The following GPD1 variants were observed in gnomAD, a reference collection of about 807,000 sequenced individuals.
GPD1 encodes glycerol-3-phosphate dehydrogenase [NAD(+)], cytoplasmic.
GPD1 carries 19 observed loss-of-function variants against 34.4 expected under a neutral mutation model. That is an observed-to-expected ratio of 0.55 (90% CI 0.39 to 0.81). The LOEUF (loss-of-function observed/expected upper bound fraction) is 0.81, where lower values mean the gene tolerates loss of function less well. GPD1 is among the 30% of genes least tolerant of loss of function. The pLI is 0.00. For synonymous variants in GPD1, 172 were observed against 174.1 expected, an observed-to-expected ratio of 0.99 and a Z score of 0.09; for missense variants, 429 against 447.0, an observed-to-expected ratio of 0.96 and a Z score of 0.36.
At chr12:50,105,277 C>A in intron 2 of GPD1, 1 of 490,706 alleles carries the variant, frequency 2.0e-6, no homozygotes, top group Non-Finnish European at 3.7e-6. Context: ...GCCTCCCGCA[C>A]TGTCCCACAG....
In GPD1 at chr12:50,109,662, G is replaced by A. The variant is rs1274228286; in HGVS notation, c.*143G>A. On this transcript the variant is annotated 3_prime_UTR_variant, in exon 8 of 8. Coordinates refer to ENST00000301149, the MANE Select transcript of GPD1 (RefSeq NM_005276.4). ...TCACTGGAGGACAGGAGGCTATGGG[G>A]CCCAGCTACGCACCTGGAGATCCTG... 1.7e-6 allele frequency: 1 copy of A among 600,546 alleles called. No individual in the cohort carries two copies. 37.2% of individuals were successfully genotyped at this position (600,546 alleles called of 1,614,324 possible).
intron 5 of GPD1, 161 bp downstream of exon 5, chr12:50,107,078 C>T (rs1264973559): frequency 5.7e-6 from 4 of 703,674 alleles, no homozygotes. Flanking sequence ...AGAAGCAAGG[C>T]CAGGGCCATT....
chr12:50,107,410 G>C (rs541557755), intron 5 of GPD1, 157 bp from the exon 6 acceptor site: 12 of 745,100 alleles, frequency 1.6e-5, no homozygotes, highest in Middle Eastern at 2.2e-4. Flanking sequence ...GTGCAGCAAG[G>C]GGGGAAACCA....
intron 1 of GPD1, chr12:50,104,313 T>C (rs1950962411): frequency 2.8e-6 from 2 of 702,052 alleles, no homozygotes; most frequent in East Asian, 5.4e-5. Flanking sequence ...CAGAGCTCTC[T>C]ATGTGAAGAG....
At position 50,104,684 on chromosome 12, in the gene GPD1, CTG is replaced by C. The variant is rs780357801; in HGVS notation, c.153_154del (p.Glu52AspfsTer7). The C allele has an allele frequency of 8.1e-6, 13 of 1,613,974 alleles. No individual in the cohort carries two copies. Among genetic ancestry groups the C allele is most frequent in the Non-Finnish European group, 1.1e-5 (13 of 1,179,916 alleles). On this transcript the variant is annotated frameshift_variant, in exon 2 of 8. Transcript: ENST00000301149. LOFTEE classifies it high-confidence loss of function. ...GAAGACATTGGAGGCAAAAAGCTGACTGAGATCATCAACACGCAGCATGAGAA... is the reference window on the plus strand; with the variant it reads ...GAAGACATTGGAGGCAAAAAGCTGACAGATCATCAACACGCAGCATGAGAA...
chr12:50,105,814 G>A, intron 3 of GPD1, 126 bp downstream of exon 3: 1 of 982,914 alleles, frequency 1.0e-6, no homozygotes, highest in Non-Finnish European at 1.6e-6. Flanking sequence ...GAAAAGAGAG[G>A]CAGTTGGCTC....
chr12:50,107,869 A>C, intron 6 of GPD1, 69 bp downstream of exon 6: 1 of 1,209,646 alleles, frequency 8.3e-7, no homozygotes, highest in Non-Finnish European at 1.2e-6. Context: ...GCTTGGCGGG[A>C]GGCATCTCTG....
intron 4 of GPD1, 95 bp from the exon 5 acceptor site, chr12:50,106,710 C>T (rs1395298216): frequency 5.2e-6 from 4 of 767,030 alleles, no homozygotes; most frequent in Non-Finnish European, 8.3e-6. Flanking sequence ...AGTTTGAGTC[C>T]AGCCTGGGCA....
At chr12:50,105,716 G>T (rs761496413) in intron 3 of GPD1, 28 bp downstream of exon 3, 1 of 1,611,372 alleles carries the variant, frequency 6.2e-7, no homozygotes, top group Non-Finnish European at 8.5e-7. Context: ...ATGTGGATGG[G>T]GGAGGGTGCG....
chr12:50,107,805 G>A lies in GPD1; in HGVS notation c.846+5G>A, dbSNP rs780029049. ...GCCTTTGCGCGTACAGGAAAGGTGG[G>A]CCCCGGGAGAAGGGAGAACAGAGGG... On this transcript the variant is annotated splice_donor_5th_base_variant and intron_variant, in intron 6 of 7. Transcript: ENST00000301149. 3.7e-6 allele frequency: 6 copies of A among 1,600,512 alleles called. No homozygotes were observed. Among genetic ancestry groups the A allele is most frequent in the Admixed American group, 3.3e-5 (2 of 59,988 alleles).
At chr12:50,107,936 C>T (rs1950994246) in intron 6 of GPD1, 88 bp from the exon 7 acceptor site, 1 of 1,027,286 alleles carries the variant, frequency 9.7e-7, no homozygotes, top group East Asian at 2.5e-5. Context: ...CTCCCAAGAC[C>T]CCACTCCCAT....
chr12:50,104,724 G>T lies in GPD1; in HGVS notation c.192G>T (p.Leu64=), dbSNP rs539015915. Residue 64 remains leucine, a synonymous_variant, in exon 2 of 8, where the codon CTG becomes CTT. Transcript: ENST00000301149. ...CGCAGCATGAGAATGTCAAATACCT[G>T]CCAGGGCACAAGTTGCCCCCAAATG... ...INTQHENVKY[L]PGHKLPPNVV... 1.9e-6 allele frequency: 3 copies of T among 1,614,126 alleles called. No homozygotes were observed. In the African/African-American group the frequency reaches 4.0e-5, roughly 22 times the overall value.
rs1405459772 is a variant in GPD1, at chr12:50,105,621, T to C, written c.293T>C (p.Ile98Thr). 6.2e-7 allele frequency: 1 copy of C among 1,614,148 alleles called. No homozygotes were observed. The highest frequency in any genetic ancestry group is 1.7e-5 in the Admixed American group (1 of 60,026). Residue 98 changes from isoleucine (I) to threonine (T), a missense_variant, in exon 3 of 8, where the codon ATC becomes ACC. Transcript: ENST00000301149. The part of the protein sequence containing the change: ...ILIFVVPHQF[I>T]GKICDQLKGH... ...ATCTTTGTGGTGCCCCATCAGTTCA[T>C]CGGCAAGATCTGTGACCAGCTCAAG...
chr12:50,104,070 G>A lies in GPD1; in HGVS notation c.20G>A (p.Cys7Tyr). 1 of 1,614,124 alleles carries A rather than the reference G, an allele frequency of 6.2e-7. No homozygotes were observed. Among genetic ancestry groups the A allele is most frequent in the Non-Finnish European group, 8.5e-7 (1 of 1,179,972 alleles). The part of the protein sequence containing the change: MASKKV[C>Y]IVGSGNWGSA... ...GGCACCATGGCTAGCAAGAAAGTCT[G>A]CATTGTAGGCTCCGGGAACTGGTAA... Residue 7 changes from cysteine (C) to tyrosine (Y), a missense_variant, in exon 1 of 8, where the codon TGC (cysteine) becomes TAC (tyrosine). Transcript: ENST00000301149.
At chr12:50,109,388 G>T (rs374301718) in intron 7 of GPD1, 35 bp from the exon 8 acceptor site, 2 of 1,060,728 alleles carry the variant, frequency 1.9e-6, no homozygotes, top group South Asian at 1.2e-5. Context: ...ACCAGGAGTG[G>T]GAGGCTAAGC....
At chr12:50,108,184 G>A (rs1407367121) in intron 7 of GPD1, 54 bp downstream of exon 7, 54 of 982,904 alleles carry the variant, frequency 5.5e-5, no homozygotes, top group Middle Eastern at 2.0e-4. Context: ...AGAAGTGCTC[G>A]CCCTGTTCAT....
In GPD1 at chr12:50,105,520, G is replaced by A. The variant is rs1186119156; in HGVS notation, c.220-28G>A. ...ACAGGGGCTAGGGGAGGTCTGCCAG[G>A]CCCGCGAGCACTTGGTCACCCCCAC... On this transcript the variant is annotated intron_variant, in intron 2 of 7. Transcript: ENST00000301149. 19 of 1,601,180 alleles carry A rather than the reference G, an allele frequency of 1.2e-5. No homozygotes were observed. In the African/African-American group the frequency reaches 1.5e-4, roughly 12 times the overall value.
intron 2 of GPD1, 91 bp downstream of exon 2, chr12:50,104,842 G>A: frequency 9.2e-7 from 1 of 1,089,058 alleles, no homozygotes; most frequent in Non-Finnish European, 1.4e-6. Flanking sequence ...CCTGCTGAGA[G>A]GGCCGCTTCA....
chr12:50,104,576 G>T lies in GPD1; in HGVS notation c.44G>T (p.Gly15Val). Residue 15 changes from glycine to valine, a missense_variant and splice_region_variant, in exon 2 of 8, where the codon GGC (glycine) becomes GTC (valine). Physicochemically the swap from Gly to Val is moderately radical, Grantham distance 109 (BLOSUM62 -3). Coordinates refer to ENST00000301149, the MANE Select transcript of GPD1 (RefSeq NM_005276.4). ...KVCIVGSGNW[G>V]SAIAKIVGGN... ...TCCTGTGCTCCCCCTCCCACCAGGG[G>T]CTCAGCCATCGCCAAGATCGTGGGT... 6.2e-7 allele frequency: 1 copy of T among 1,612,760 alleles called. No homozygotes were observed. The highest frequency in any genetic ancestry group is 2.2e-5 in the East Asian group (1 of 44,860).
Sources: gnomAD v4.1 joint callset for allele counts on GRCh38, gnomAD v4.1.1 for gene constraint, MANE v1.5 for transcripts, NCBI Gene and HGNC (gene_info 2026-07-23, HGNC 2026-07-21) for gene names.